Variants in PCDHGA4 observed in about 807,000 individuals in gnomAD.
PCDHGA4 encodes the protein protocadherin gamma-A4.
PCDHGA4 carries 38 observed loss-of-function variants against 54.6 expected under a neutral mutation model. That is an observed-to-expected ratio of 0.70 (90% confidence interval 0.54 to 0.91). The LOEUF (loss-of-function observed/expected upper bound fraction) is 0.91, where lower values mean the gene tolerates loss of function less well. PCDHGA4 is among the 40% of genes least tolerant of loss of function. The pLI is 0.00. For synonymous variants in PCDHGA4, 511 were observed against 512.9 expected, an observed-to-expected ratio of 1.00 and a Z score of 0.05; for missense variants, 1,298 against 1,220.9, an observed-to-expected ratio of 1.06 and a Z score of -0.94.
chr5:141,401,672 T>A (rs1468956975), intron 1 of PCDHGA4, among the ~76,000 whole-genome samples: 1 of 152,222 alleles, frequency 6.6e-6, no homozygotes, highest in African/African-American at 2.4e-5. Context: ...CTCAACATCC[T>A]TGTAGGATGG....
intron 1 of PCDHGA4, chr5:141,388,229 C>A (rs1041340259): frequency 1.7e-5 from 27 of 1,606,864 alleles, no homozygotes; most frequent in Non-Finnish European, 2.2e-5. Context: ...ATCCACTGAA[C>A]TTTTATCACG....
At chr5:141,434,980 CTA>C in intron 1 of PCDHGA4, among the ~76,000 whole-genome samples, 1 of 151,954 alleles carries the variant, frequency 6.6e-6, no homozygotes, top group East Asian at 1.9e-4. Flanking sequence ...TGTTAATACT[CTA>C]TATCATTTTC....
intron 1 of PCDHGA4, chr5:141,478,491 G>A: frequency 6.2e-7 from 1 of 1,613,152 alleles, no homozygotes; most frequent in Non-Finnish European, 8.5e-7. Flanking sequence ...CTGCGGAGCT[G>A]TGATCCGGTG....
At chr5:141,422,849 C>T in intron 1 of PCDHGA4, 1 of 1,614,238 alleles carries the variant, frequency 6.2e-7, no homozygotes, top group Non-Finnish European at 8.5e-7. Context: ...AGCGGGGACC[C>T]GCCCCTCAGC....
At chr5:141,364,703 G>C (rs1281129906) in intron 1 of PCDHGA4, 1 of 1,613,930 alleles carries the variant, frequency 6.2e-7, no homozygotes, top group East Asian at 2.2e-5. Context: ...AGAAATAATC[G>C]ATATTAATGA....
At position 141,485,671 on chromosome 5, in the gene PCDHGA4, G is replaced by T; in HGVS notation, c.2515-9136G>T. On this transcript the variant is annotated intron_variant, in intron 1 of 3. Coordinates refer to ENST00000571252, the MANE Select transcript of PCDHGA4 (RefSeq NM_018917.4). This position sits in a 1 kb window ranked among gnomAD's most constrained non-coding sequence, Gnocchi z 5.7. The stretch of plus-strand genomic sequence containing the variant: ...AGGATGCAGATGTGGGGAGCAATTC[G>T]ATTAGCAGCTATAGGCTGAGCTCCA... 6.2e-7 allele frequency: 1 copy of T among 1,612,860 alleles called. No homozygotes were observed. The highest frequency in any genetic ancestry group is 8.5e-7 in the Non-Finnish European group (1 of 1,179,040).
Position 141,490,102 on chromosome 5 carries a change from G to A in PCDHGA4, c.2515-4705G>A, listed in dbSNP as rs377649214. On this transcript the variant is annotated intron_variant, in intron 1 of 3. Coordinates refer to ENST00000571252, the MANE Select transcript of PCDHGA4 (RefSeq NM_018917.4). The surrounding 1 kb of genome is among the most constrained non-coding windows in gnomAD (Gnocchi z 5.4). ...TTCTTTTGGAGACCACACATCTGAG[G>A]CAGTGCGGAACCTCTTTGGCCTAGA... 4.3e-6 allele frequency: 7 copies of A among 1,614,144 alleles called. No homozygotes were observed. The African/African-American group carries it at 9.3e-5, about 22-fold the overall frequency.
chr5:141,399,890 T>A, intron 1 of PCDHGA4: 1 of 1,612,638 alleles, frequency 6.2e-7, no homozygotes, highest in South Asian at 1.1e-5. Context: ...ACCAAGGTAG[T>A]GGCCGTGGAC....
chr5:141,496,923 C>T (rs963522127), intron 2 of PCDHGA4, among the ~76,000 whole-genome samples: 9 of 150,728 alleles, frequency 6.0e-5, no homozygotes, highest in East Asian at 1.9e-4. Context: ...CTGTGGTTCA[C>T]GCCTGTAATC....
chr5:141,430,720 T>G, intron 1 of PCDHGA4: 1 of 1,486,390 alleles, frequency 6.7e-7, no homozygotes, highest in East Asian at 2.4e-5. Flanking sequence ...ACTTCAGTGG[T>G]TAAGGGCAGA....
At chr5:141,414,706 A>G in intron 1 of PCDHGA4, 1 of 1,614,002 alleles carries the variant, frequency 6.2e-7, no homozygotes, top group South Asian at 1.1e-5. Context: ...ATACATATCC[A>G]TCAACTCAGA....
chr5:141,370,283 A>G (rs1275076013), intron 1 of PCDHGA4: 2 of 944,824 alleles, frequency 2.1e-6, no homozygotes, highest in Non-Finnish European at 3.1e-6. Flanking sequence ...CACCCATTAG[A>G]GAACCCAAGC....
Position 141,431,132 on chromosome 5 carries a change from G to A in PCDHGA4, c.2515-63675G>A. On this transcript the variant is annotated intron_variant, in intron 1 of 3. Coordinates refer to ENST00000571252, the MANE Select transcript of PCDHGA4 (RefSeq NM_018917.4). This position sits in a 1 kb window ranked among gnomAD's most constrained non-coding sequence, Gnocchi z 4.8. ...ATATGGAGTAGAAGTAGAAGTAAGGGACATTAACGACAATGCGCCTTACTT... is the reference window on the plus strand; with the variant it reads ...ATATGGAGTAGAAGTAGAAGTAAGGAACATTAACGACAATGCGCCTTACTT... 2 of 1,614,232 alleles carry A rather than the reference G, an allele frequency of 1.2e-6. No individual in the cohort carries two copies. The highest frequency in any genetic ancestry group is 8.5e-7 in the Non-Finnish European group (1 of 1,180,024).
In PCDHGA4 at chr5:141,512,249, T is replaced by A. The variant is rs1159090773; in HGVS notation, c.*1076T>A. 6.6e-6 allele frequency: 1 copy of A among 152,598 alleles called. No individual in the cohort carries two copies. The allele number at this position is 152,598 out of a possible 1,614,324, so 9.5% of individuals were successfully genotyped here. On this transcript the variant is annotated 3_prime_UTR_variant, in exon 4 of 4. Coordinates refer to ENST00000571252, the MANE Select transcript of PCDHGA4 (RefSeq NM_018917.4). Reference sequence around the variant, plus strand: ...CCTTGAGAGGTCAGAGGGGCCTCTGTGGGTGCTGGGTACTCCAGAGGTGCC... The same window carrying A: ...CCTTGAGAGGTCAGAGGGGCCTCTGAGGGTGCTGGGTACTCCAGAGGTGCC...
chr5:141,493,908 G>A lies in PCDHGA4; in HGVS notation c.2515-899G>A, dbSNP rs1308946115. ...CTAGGAGTGCTCCATGAGAGTGTGT[G>A]ATGGGATAACACACCCCCTGGAAAG... On this transcript the variant is annotated intron_variant, in intron 1 of 3. Transcript: ENST00000571252. This position sits in a 1 kb window ranked among gnomAD's most constrained non-coding sequence, Gnocchi z 4.3. Among the ~76,000 whole-genome samples the A allele has an allele frequency of 6.6e-6, 1 of 152,208 alleles. No homozygotes were observed. The highest frequency in any genetic ancestry group is 1.5e-5 in the Non-Finnish European group (1 of 68,032).
intron 1 of PCDHGA4, chr5:141,375,735 T>C: frequency 6.2e-7 from 1 of 1,614,254 alleles, no homozygotes; most frequent in Non-Finnish European, 8.5e-7. Context: ...CTGAGCCTGT[T>C]TGTGCTGGAC....
At chr5:141,365,003 A>C (rs1292135798) in intron 1 of PCDHGA4, 1 of 1,613,774 alleles carries the variant, frequency 6.2e-7, no homozygotes, top group Non-Finnish European at 8.5e-7. Context: ...ACTCTCCGGC[A>C]CCACGCACAT....
At chr5:141,426,448 C>T (rs1289310586) in intron 1 of PCDHGA4, 4 of 307,946 alleles carry the variant, frequency 1.3e-5, no homozygotes, top group Middle Eastern at 1.2e-3. Context: ...GGAGGACATG[C>T]GGCTGCATGT....
At chr5:141,495,499 C>T (rs918858395) in intron 2 of PCDHGA4, among the ~76,000 whole-genome samples, 13 of 152,162 alleles carry the variant, frequency 8.5e-5, no homozygotes, top group African/African-American at 2.9e-4. Context: ...CTTGAGTTTC[C>T]GTCTTTGCCA....
Sources: gnomAD v4.1 joint callset for allele counts (sites outside exome capture counted in the v4.1 genomes callset) on GRCh38, gnomAD v4.1.1 for gene constraint, Gnocchi (gnomAD v3.1) non-coding constraint, MANE v1.5 for transcripts, NCBI Gene and HGNC (gene_info 2026-07-23, HGNC 2026-07-21) for gene names.